SMAD1: variants seen among roughly 807,000 people sequenced by gnomAD.
SMAD1 encodes the protein SMAD family member 1.
A neutral mutation model predicts 41.6 loss-of-function variants in SMAD1; 6 were observed. The observed-to-expected ratio is 0.14, with a 90% CI of 0.08 to 0.28. SMAD1 has a LOEUF of 0.28. Ranked by LOEUF, SMAD1 falls within the 10% of genes least tolerant of loss-of-function variation. The probability of loss-of-function intolerance (pLI) is 1.00; values close to 1 mark genes in which losing one functional copy is unlikely to be tolerated. For synonymous variants in SMAD1, 206 were observed against 203.2 expected, an observed-to-expected ratio of 1.01 and a Z score of -0.12; for missense variants, 379 against 582.6, an observed-to-expected ratio of 0.65 and a Z score of 3.60.
At chr4:145,542,920 A>G (rs1402343719) in intron 4 of SMAD1, among the ~76,000 whole-genome samples, 2 of 152,190 alleles carry the variant, frequency 1.3e-5, no homozygotes, top group African/African-American at 4.8e-5. Context: ...ATAATTTTGC[A>G]GTTATCTGTT....
At chr4:145,532,137 A>G (rs549148967) in intron 2 of SMAD1, among the ~76,000 whole-genome samples, 1 of 152,350 alleles carries the variant, frequency 6.6e-6, no homozygotes, top group South Asian at 2.1e-4. Flanking sequence ...GCAACGCTGA[A>G]AAGCTGAGTA....
At chr4:145,502,641 G>A (rs1302350538) in intron 1 of SMAD1, among the ~76,000 whole-genome samples, 3 of 152,204 alleles carry the variant, frequency 2.0e-5, no homozygotes, top group Non-Finnish European at 4.4e-5. Context: ...ATGAAGATAC[G>A]TTAATAGCAC....
intron 1 of SMAD1, among the ~76,000 whole-genome samples, chr4:145,486,444 A>C (rs1328993534): frequency 1.3e-5 from 2 of 152,244 alleles, no homozygotes. Flanking sequence ...AAGAATAGTA[A>C]TTGCAAATTC....
chr4:145,486,482 C>T (rs1313603330), intron 1 of SMAD1, among the ~76,000 whole-genome samples: 2 of 152,032 alleles, frequency 1.3e-5, no homozygotes, highest in South Asian at 2.1e-4. Flanking sequence ...AAACATTCAA[C>T]ATCTATTTTT....
chr4:145,546,672 C>T (rs753971821), intron 4 of SMAD1, 31 bp from the exon 5 acceptor site: 1 of 1,536,026 alleles, frequency 6.5e-7, no homozygotes, highest in South Asian at 1.1e-5. Context: ...AGGCACTAAC[C>T]TTGGTTGATA....
At chr4:145,504,288 A>G (rs889410028) in intron 1 of SMAD1, among the ~76,000 whole-genome samples, 2 of 152,226 alleles carry the variant, frequency 1.3e-5, no homozygotes, top group Non-Finnish European at 2.9e-5. Context: ...TATTTGTTGA[A>G]CCAGATCAAA....
At chr4:145,487,348 A>C (rs1171865195) in intron 1 of SMAD1, among the ~76,000 whole-genome samples, 2 of 152,190 alleles carry the variant, frequency 1.3e-5, no homozygotes, top group East Asian at 3.8e-4. Context: ...GATAATTTAA[A>C]TATAAAAAAG....
At chr4:145,510,053 A>T (rs2126384669) in intron 1 of SMAD1, among the ~76,000 whole-genome samples, 1 of 151,982 alleles carries the variant, frequency 6.6e-6, no homozygotes, top group Admixed American at 6.5e-5. Context: ...TGTGTAGATT[A>T]TCACAATGTA....
chr4:145,485,804 A>C (rs1379478643), intron 1 of SMAD1, among the ~76,000 whole-genome samples: 1 of 151,954 alleles, frequency 6.6e-6, no homozygotes, highest in Non-Finnish European at 1.5e-5. Flanking sequence ...TTTTTTCTGA[A>C]TTTTTACTGT....
chr4:145,497,716 G>A (rs1331567358), intron 1 of SMAD1: 1 of 152,200 alleles, frequency 6.6e-6, no homozygotes, highest in Non-Finnish European at 1.5e-5. Flanking sequence ...AGTGATCAGA[G>A]GTAGAAAGGA....
At chr4:145,547,713 G>A (rs1186741462) in intron 5 of SMAD1, among the ~76,000 whole-genome samples, 1 of 152,202 alleles carries the variant, frequency 6.6e-6, no homozygotes, top group South Asian at 2.1e-4. Context: ...GTGGAAAACA[G>A]ACATATAAAT....
At chr4:145,493,383 C>T (rs919371493) in intron 1 of SMAD1, among the ~76,000 whole-genome samples, 1 of 152,220 alleles carries the variant, frequency 6.6e-6, no homozygotes, top group Non-Finnish European at 1.5e-5. Flanking sequence ...GCTTTTTGCA[C>T]ATTGCTGGCT....
chr4:145,508,398 C>T (rs932226138), intron 1 of SMAD1, among the ~76,000 whole-genome samples: 11 of 152,084 alleles, frequency 7.2e-5, no homozygotes, highest in Non-Finnish European at 1.2e-4. Context: ...TAGCTGTCTA[C>T]ATAACTTTGG....
intron 1 of SMAD1, among the ~76,000 whole-genome samples, chr4:145,492,561 C>T (rs1560722771): frequency 6.6e-6 from 1 of 152,200 alleles, no homozygotes; most frequent in Non-Finnish European, 1.5e-5. Flanking sequence ...TCCAGAAGCT[C>T]TCTGAACCTT....
chr4:145,481,744 GGTGAGCGGGTGAGCGT>G (rs542771916), upstream of SMAD1: 4,244 of 194,906 alleles, frequency 0.022, 171 homozygotes, highest in African/African-American at 0.081. Context: ...GCGGCGCGCG[GGTGAGCGGGTGAGCGT>G]GTGAGCGGGC....
chr4:145,507,628 T>G (rs1729862240), intron 1 of SMAD1, among the ~76,000 whole-genome samples: 1 of 151,644 alleles, frequency 6.6e-6, no homozygotes, highest in Non-Finnish European at 1.5e-5. Flanking sequence ...GGAATAAAGA[T>G]CTCAATATTT....
At position 145,482,535 on chromosome 4, in the gene SMAD1, A is replaced by G. The variant is rs1247879968; in HGVS notation, c.-177+497A>G. Reference sequence around the variant, plus strand: ...CGACCCCTGCGGGAGCTGGAGGACGACCGCTGGCGCTGCTCTCCAAGGCGC... The same window carrying G: ...CGACCCCTGCGGGAGCTGGAGGACGGCCGCTGGCGCTGCTCTCCAAGGCGC... On this transcript the variant is annotated intron_variant, in intron 1 of 6. Transcript: ENST00000302085. This position sits in a 1 kb window ranked among gnomAD's most constrained non-coding sequence, Gnocchi z 4.2. 2 of 150,466 alleles carry G rather than the reference A, an allele frequency of 1.3e-5. No individual in the cohort carries two copies. Among genetic ancestry groups the G allele is most frequent in the African/African-American group, 4.9e-5 (2 of 40,822 alleles). The allele number at this position is 150,466 out of a possible 1,614,324, so 9.3% of individuals were successfully genotyped here. A position where few individuals can be genotyped will look rare whatever the true frequency, so the allele number is the denominator to read the frequency against.
intron 2 of SMAD1, among the ~76,000 whole-genome samples, chr4:145,521,491 G>A (rs1210101100): frequency 6.6e-6 from 1 of 152,156 alleles, no homozygotes; most frequent in African/African-American, 2.4e-5. Context: ...CATGATGGCT[G>A]CCAGCTGTTT....
In SMAD1 at chr4:145,528,109, T is replaced by A. The variant is rs11725101; in HGVS notation, c.401-11695T>A. On this transcript the variant is annotated intron_variant, in intron 2 of 6. Transcript: ENST00000302085. ...CACACACACATACACACACATATAT[T>A]TTTTTTTTTTTTGAAATTGAGTCTC... 7.8e-4 allele frequency among the ~76,000 whole-genome samples: 115 copies of A among 146,772 alleles called. 1 individual carries two copies. Among genetic ancestry groups the A allele is most frequent in the Middle Eastern group, 3.5e-3 (1 of 288 alleles).
Sources: allele counts gnomAD v4.1 joint callset (sites outside exome capture counted in the v4.1 genomes callset), GRCh38; gene constraint gnomAD v4.1.1; non-coding constraint Gnocchi (gnomAD v3.1); transcripts MANE v1.5; gene names NCBI Gene and HGNC (gene_info 2026-07-23, HGNC 2026-07-21).